The following MAGI1 variants were observed in gnomAD, a reference collection of about 807,000 sequenced individuals.
MAGI1 encodes membrane-associated guanylate kinase, WW and PDZ domain-containing protein 1.
A neutral mutation model predicts 139.9 loss-of-function variants in MAGI1; 58 were observed. That is an observed-to-expected ratio of 0.41 (90% CI 0.34 to 0.52). MAGI1 has a LOEUF of 0.52. Among genes scored for constraint, MAGI1 ranks in the 20% least tolerant of loss-of-function variants. The pLI, the probability that MAGI1 is intolerant of heterozygous loss-of-function variation, is 0.12. For missense variants in MAGI1, 1,874 were observed against 1,901.6 expected (o/e 0.99, Z 0.27); for synonymous variants, 812 against 737.9 (o/e 1.10, Z -1.63).
intron 1 of MAGI1, among the ~76,000 whole-genome samples, chr3:65,789,542 G>A (rs2039619816): frequency 6.6e-6 from 1 of 152,156 alleles, no homozygotes; most frequent in African/African-American, 2.4e-5. Context: ...TACACTTGAG[G>A]CAGATGATCA....
intron 15 of MAGI1, among the ~76,000 whole-genome samples, chr3:65,382,734 G>A (rs1450007760): frequency 3.3e-5 from 5 of 152,152 alleles, no homozygotes; most frequent in Non-Finnish European, 7.3e-5. Flanking sequence ...ATGAACTCGA[G>A]TCAGACCTTA....
chr3:65,591,828 T>C (rs1490974393), intron 2 of MAGI1, among the ~76,000 whole-genome samples: 1 of 152,206 alleles, frequency 6.6e-6, no homozygotes, highest in African/African-American at 2.4e-5. Flanking sequence ...GTTATGCACA[T>C]GGCTCCTTCC....
rs55844719 is a variant in MAGI1 at position 65,826,256 on chromosome 3, A to G, written c.314-204168T>C. On this transcript the variant is annotated intron_variant, in intron 1 of 22. Coordinates refer to ENST00000402939, the MANE Select transcript of MAGI1 (RefSeq NM_001033057.2). ...TTTTAGAATGAACAGCTATTATTTC[A>G]TAACAGGTAGGAGATCATACTAAAA... Among the ~76,000 whole-genome samples the G allele has an allele frequency of 5.9e-3, 900 of 152,334 alleles. 6 individuals are homozygous for G. Among genetic ancestry groups the G allele is most frequent in the East Asian group, 0.027 (138 of 5,188 alleles).
intron 1 of MAGI1, among the ~76,000 whole-genome samples, chr3:65,760,235 A>T (rs2036904749): frequency 6.6e-6 from 1 of 151,670 alleles, no homozygotes; most frequent in South Asian, 2.1e-4. Context: ...TTCACAATAA[A>T]TGTCTGCTGA....
At chr3:65,859,913 T>G (rs903335615) in intron 1 of MAGI1, among the ~76,000 whole-genome samples, 114 of 151,738 alleles carry the variant, frequency 7.5e-4, no homozygotes, top group African/African-American at 2.5e-3. Flanking sequence ...TTTGTTTTTT[T>G]TTTTTTGAGA....
At chr3:65,672,159 G>A (rs1469107302) in intron 1 of MAGI1, among the ~76,000 whole-genome samples, 1 of 152,072 alleles carries the variant, frequency 6.6e-6, no homozygotes, top group African/African-American at 2.4e-5. Context: ...ATGACACTGG[G>A]GAGTGTGCTC....
At chr3:65,787,428 T>G (rs116332919) in intron 1 of MAGI1, among the ~76,000 whole-genome samples, 1,662 of 151,900 alleles carry the variant, frequency 0.011, 31 homozygotes, top group African/African-American at 0.038. Flanking sequence ...AAAGATGTTA[T>G]GTTTAGTCGG....
chr3:65,445,540 C>A (rs2107455589), intron 7 of MAGI1, among the ~76,000 whole-genome samples: 1 of 152,240 alleles, frequency 6.6e-6, no homozygotes, highest in Non-Finnish European at 1.5e-5. Context: ...AAATCATGTT[C>A]AAAATCAGAG....
intron 2 of MAGI1, among the ~76,000 whole-genome samples, chr3:65,543,408 C>T (rs532904000): frequency 6.6e-6 from 1 of 152,188 alleles, no homozygotes; most frequent in South Asian, 2.1e-4. Flanking sequence ...TGGGTATATA[C>T]CCAAAGGATT....
At chr3:65,579,088 T>G (rs2081306650) in intron 2 of MAGI1, among the ~76,000 whole-genome samples, 1 of 152,120 alleles carries the variant, frequency 6.6e-6, no homozygotes, top group Admixed American at 6.5e-5. Flanking sequence ...GAAGATTGGA[T>G]AATTACATTC....
At chr3:65,548,302 T>A (rs2079598312) in intron 2 of MAGI1, among the ~76,000 whole-genome samples, 1 of 151,900 alleles carries the variant, frequency 6.6e-6, no homozygotes, top group African/African-American at 2.4e-5. Flanking sequence ...AGATGAAGCA[T>A]CCCAATGAGG....
At chr3:65,462,973 GCCTGAAACTTT>G (rs1949920098) in intron 5 of MAGI1, among the ~76,000 whole-genome samples, 1 of 152,168 alleles carries the variant, frequency 6.6e-6, no homozygotes, top group African/African-American at 2.4e-5. Context: ...TGATTTTGTA[GCCTGAAACTTT>G]CCTGAAATTG....
intron 1 of MAGI1, among the ~76,000 whole-genome samples, chr3:65,697,350 G>C (rs964698881): frequency 6.7e-6 from 1 of 150,198 alleles, no homozygotes; most frequent in South Asian, 2.1e-4. Flanking sequence ...TAGAAAAAGA[G>C]GGAATCCTCC....
intron 1 of MAGI1, among the ~76,000 whole-genome samples, chr3:65,871,851 C>G (rs2059950029): frequency 6.6e-6 from 1 of 152,196 alleles, no homozygotes; most frequent in Admixed American, 6.5e-5. Flanking sequence ...GTCATTGTCC[C>G]TTATTGGAGC....
At chr3:65,500,862 G>C (rs569413951) in intron 2 of MAGI1, among the ~76,000 whole-genome samples, 3 of 152,184 alleles carry the variant, frequency 2.0e-5, no homozygotes, top group Non-Finnish European at 4.4e-5. Context: ...AAAAATGACA[G>C]TCACTGCAAC....
chr3:65,417,743 G>C (rs557957737), intron 12 of MAGI1, among the ~76,000 whole-genome samples: 1 of 152,252 alleles, frequency 6.6e-6, no homozygotes, highest in South Asian at 2.1e-4. Context: ...CAAGAGTAAG[G>C]ACAGATGTAA....
intron 1 of MAGI1, among the ~76,000 whole-genome samples, chr3:65,780,265 C>T (rs2038822663): frequency 6.6e-6 from 1 of 152,148 alleles, no homozygotes; most frequent in Admixed American, 6.6e-5. Flanking sequence ...CTCAAGTGAT[C>T]CCCCCGCTTC....
chr3:65,762,904 T>C (rs1244879276), intron 1 of MAGI1, among the ~76,000 whole-genome samples: 2 of 152,160 alleles, frequency 1.3e-5, no homozygotes, highest in Non-Finnish European at 2.9e-5. Context: ...CAGAATGTGG[T>C]CTAAATGCAG....
At chr3:65,447,826 A>G (rs900377204) in intron 7 of MAGI1, among the ~76,000 whole-genome samples, 196 bp downstream of exon 7, 1 of 152,200 alleles carries the variant, frequency 6.6e-6, no homozygotes, top group African/African-American at 2.4e-5. Context: ...AACATAATGT[A>G]CTACAACTCC....
Sources: allele counts gnomAD v4.1 joint callset (sites outside exome capture counted in the v4.1 genomes callset), GRCh38; gene constraint gnomAD v4.1.1; transcripts MANE v1.5; gene names NCBI Gene and HGNC (gene_info 2026-07-23, HGNC 2026-07-21).